NUP205: variants seen among roughly 807,000 people sequenced by gnomAD.
The protein encoded by NUP205 is nucleoporin 205.
In NUP205, 76 loss-of-function variants were observed where a neutral mutation model predicts 253.8. The observed-to-expected ratio is 0.30, with a 90% CI of 0.25 to 0.36. The LOEUF (loss-of-function observed/expected upper bound fraction) is 0.36. Ranked by LOEUF, NUP205 falls within the 10% of genes least tolerant of loss-of-function variation. The probability of loss-of-function intolerance (pLI) is 1.00; values close to 1 mark genes in which losing one functional copy is unlikely to be tolerated. For synonymous variants in NUP205, 832 were observed against 850.1 expected (o/e 0.98, Z 0.37); for missense variants, 2,162 against 2,425.5 (o/e 0.89, Z 2.28).
chr7:135,619,355 C>A, intron 28 of NUP205, 68 bp from the exon 29 acceptor site: 1 of 1,492,248 alleles, frequency 6.7e-7, no homozygotes, highest in Non-Finnish European at 9.1e-7. Context: ...AAAAAAAAAG[C>A]TATGAAATTT....
Position 135,582,946 on chromosome 7 carries a change from C to T in NUP205, c.1043-1886C>T, listed in dbSNP as rs190530439. ...TCTACTAAAAATACAAAAAATTAGC[C>T]AGGCGTGGTGGTGCGTGCCTATAGT... On this transcript the variant is annotated intron_variant, in intron 7 of 42. Coordinates refer to ENST00000285968, the MANE Select transcript of NUP205 (RefSeq NM_015135.3). 9.8e-4 allele frequency among the ~76,000 whole-genome samples: 149 copies of T among 151,936 alleles called. 1 individual carries two copies. Among genetic ancestry groups the T allele is most frequent in the South Asian group, 7.7e-3 (37 of 4,802 alleles).
intron 6 of NUP205, 101 bp downstream of exon 6, chr7:135,578,125 C>T: frequency 1.3e-6 from 1 of 781,836 alleles, no homozygotes; most frequent in Admixed American, 2.4e-5. Flanking sequence ...AAATAGTCTG[C>T]TCTGTTCCTG....
At chr7:135,612,080 A>G (rs1373608136) in intron 22 of NUP205, among the ~76,000 whole-genome samples, 1 of 152,204 alleles carries the variant, frequency 6.6e-6, no homozygotes, top group African/African-American at 2.4e-5. Flanking sequence ...AGATCGCGCC[A>G]CTGCACTCCA....
intron 1 of NUP205, among the ~76,000 whole-genome samples, chr7:135,570,741 A>C (rs1246188047): frequency 1.4e-5 from 1 of 71,534 alleles, no homozygotes; most frequent in African/African-American, 5.2e-5. Context: ...TATTATATTA[A>C]TATATTAATT....
chr7:135,626,285 C>T lies in NUP205; in HGVS notation c.4717C>T (p.Leu1573=). The change falls in exon 33 of 43, where the codon CTG becomes TTG. Residue 1573 remains leucine, a synonymous_variant. Coordinates refer to ENST00000285968, the MANE Select transcript of NUP205 (RefSeq NM_015135.3). ...AAAGATACAGCAGGGTGCATTAGAG[C>T]TGCTAAGATCAGGGGTGATTGTGAG... ...VAKIQQGALE[L]LRSGVIVRLA... is the part of the protein sequence containing the mutation. 1.2e-6 allele frequency: 2 copies of T among 1,614,110 alleles called. No individual in the cohort carries two copies. The highest frequency in any genetic ancestry group is 2.2e-5 in the South Asian group (2 of 91,076).
rs749977165 is a variant in NUP205 at position 135,638,625 on chromosome 7, T to G, written c.5334T>G (p.Ala1778=). ...AGAGTTCCCCTACCTTCCAGCATGC[T>G]GTGTGTCTCTTCACTCCTAGCCTTT... The part of the protein sequence containing the change: ...MLQSSPTFQH[A]VCLFTPSLSE... The change falls in exon 38 of 43, where the codon GCT becomes GCG. Residue 1778 remains alanine, a synonymous_variant. Coordinates refer to ENST00000285968, the MANE Select transcript of NUP205 (RefSeq NM_015135.3). 1.4e-5 allele frequency: 22 copies of G among 1,613,906 alleles called. No individual in the cohort carries two copies. The highest frequency in any genetic ancestry group is 1.8e-5 in the Non-Finnish European group (21 of 1,179,904).
intron 4 of NUP205, 56 bp from the exon 5 acceptor site, chr7:135,576,913 T>C (rs1396451548): frequency 1.4e-5 from 22 of 1,522,174 alleles, no homozygotes; most frequent in Non-Finnish European, 1.8e-5. Flanking sequence ...CCTATTATTA[T>C]GAAGAAGCAT....
At chr7:135,562,611 G>T (rs11560341) in intron 1 of NUP205, among the ~76,000 whole-genome samples, 15 of 145,168 alleles carry the variant, frequency 1.0e-4, no homozygotes, top group Admixed American at 8.4e-4. Context: ...GCAGTGGCGC[G>T]ATCTTGGCTC....
chr7:135,635,734 T>C (rs1305134606), intron 36 of NUP205, 77 bp downstream of exon 36: 6 of 803,676 alleles, frequency 7.5e-6, no homozygotes, highest in Non-Finnish European at 1.2e-5. Flanking sequence ...TTGTGCCCCC[T>C]AGATTTGGGA....
intron 3 of NUP205, among the ~76,000 whole-genome samples, chr7:135,575,417 A>T (rs1806124388): frequency 6.6e-6 from 1 of 152,112 alleles, no homozygotes. Context: ...AACAGAAAGG[A>T]GTAGAGTGGA....
chr7:135,632,142 G>T (rs1233377207), intron 35 of NUP205, among the ~76,000 whole-genome samples: 2 of 152,170 alleles, frequency 1.3e-5, no homozygotes, highest in Non-Finnish European at 2.9e-5. Context: ...TCTGAAGGTT[G>T]TCTTTGTTCT....
chr7:135,629,499 C>CTCTCTCTCTCTCTCTCTCTCTG (rs1794662490), intron 34 of NUP205, among the ~76,000 whole-genome samples: 1 of 135,104 alleles, frequency 7.4e-6, no homozygotes, highest in Non-Finnish European at 1.6e-5. Context: ...CTCTCTCTCT[C>CTCTCTCTCTCTCTCTCTCTCTG]TCTCTCTCTC....
chr7:135,564,093 C>G (rs1349943758), intron 1 of NUP205, among the ~76,000 whole-genome samples: 1 of 150,210 alleles, frequency 6.7e-6, no homozygotes, highest in African/African-American at 2.5e-5. Flanking sequence ...TCTTTTTCTT[C>G]TTTGAGACGA....
At chr7:135,620,506 A>G (rs1319598188) in intron 30 of NUP205, among the ~76,000 whole-genome samples, 1 of 152,228 alleles carries the variant, frequency 6.6e-6, no homozygotes, top group Non-Finnish European at 1.5e-5. Flanking sequence ...AGCCTGGGCA[A>G]CAAGAGTGAA....
chr7:135,573,132 C>T (rs376867197), intron 2 of NUP205, among the ~76,000 whole-genome samples: 65 of 152,126 alleles, frequency 4.3e-4, no homozygotes, highest in African/African-American at 1.5e-3. Flanking sequence ...GATTCAATGA[C>T]CAATGTGTAA....
chr7:135,558,594 A>G (rs2129489362), intron 1 of NUP205, among the ~76,000 whole-genome samples: 1 of 152,184 alleles, frequency 6.6e-6, no homozygotes, highest in Middle Eastern at 3.4e-3. Flanking sequence ...GGAACTCTGG[A>G]AGATTTGGGG....
chr7:135,624,430 G>T (rs1273492553), intron 31 of NUP205, among the ~76,000 whole-genome samples: 13 of 152,074 alleles, frequency 8.5e-5, no homozygotes, highest in Admixed American at 8.5e-4. Context: ...AGGCTGGAGT[G>T]CAGTGGCACG....
At position 135,589,262 on chromosome 7, in the gene NUP205, T is replaced by G. The variant is rs1004877328; in HGVS notation, c.1473+1270T>G. ...CTTTTATGCAATGTGTGTGTGTGTG[T>G]TTTTTTTTTTCTGGACTCCAGATCA... On this transcript the variant is annotated intron_variant, in intron 10 of 42. Transcript: ENST00000285968. 2.2e-5 allele frequency among the ~76,000 whole-genome samples: 3 copies of G among 135,076 alleles called. 1 individual carries two copies. The highest frequency in any genetic ancestry group is 2.6e-4 in the South Asian group (1 of 3,872). 88.6% of individuals were successfully genotyped at this position (135,076 alleles called of 152,430 possible). A position where few individuals can be genotyped will look rare whatever the true frequency, so the allele number is the denominator to read the frequency against.
rs542322084 is a variant in NUP205 at position 135,561,242 on chromosome 7, G to A, written c.28+3270G>A. 2.0e-5 allele frequency among the ~76,000 whole-genome samples: 3 copies of A among 152,266 alleles called. No homozygotes were observed. In the South Asian group the frequency reaches 6.2e-4, roughly 32 times the overall value. On this transcript the variant is annotated intron_variant, in intron 1 of 42. Coordinates refer to ENST00000285968, the MANE Select transcript of NUP205 (RefSeq NM_015135.3). ...GTCTGTAATCCCAGCTACTCGGGAG[G>A]CTGAGGCAGGAGAATTGCTTGAACC...
Sources: gnomAD v4.1 joint callset for allele counts (sites outside exome capture counted in the v4.1 genomes callset) on GRCh38, gnomAD v4.1.1 for gene constraint, MANE v1.5 for transcripts, NCBI Gene and HGNC (gene_info 2026-07-23, HGNC 2026-07-21) for gene names.